Variants in TBL1X observed in about 807,000 individuals in gnomAD.
TBL1X encodes the protein transducin beta like 1 X-linked.
Under a neutral mutation model 50.7 loss-of-function variants are expected in TBL1X, and 10 were observed. The ratio of observed to expected loss-of-function variants is 0.20; its 90% CI spans 0.12 to 0.33. The LOEUF is 0.33. Ranked by LOEUF, TBL1X falls within the 10% of genes least tolerant of loss-of-function variation. The pLI, the probability that TBL1X is intolerant of heterozygous loss-of-function variation, is 1.00. For synonymous variants in TBL1X, 190 were observed against 214.7 expected, an observed-to-expected ratio of 0.88 and a Z score of 1.01; for missense variants, 340 against 504.4, an observed-to-expected ratio of 0.67 and a Z score of 3.12.
At chrX:9,465,852 C>T (rs1236042964) in intron 1 of TBL1X, among the ~76,000 whole-genome samples, 1 of 113,073 alleles carries the variant, frequency 8.8e-6, no homozygotes, top group Non-Finnish European at 1.9e-5. Flanking sequence ...CTCCGGGGAC[C>T]GGGGTGGAGG....
chrX:9,607,917 A>T (rs2082592013), intron 2 of TBL1X, among the ~76,000 whole-genome samples: 1 of 109,174 alleles, frequency 9.2e-6, no homozygotes, highest in African/African-American at 3.3e-5. Flanking sequence ...GGGCTTAAGC[A>T]ATCCTCCCAC....
chrX:9,513,819 C>T (rs190987058), intron 2 of TBL1X, among the ~76,000 whole-genome samples: 130 of 108,785 alleles, frequency 1.2e-3, no homozygotes, highest in African/African-American at 4.2e-3. Context: ...GGCATGGTGC[C>T]GGCATCTGCT....
chrX:9,541,541 C>A (rs991802902), intron 2 of TBL1X, among the ~76,000 whole-genome samples: 5 of 112,598 alleles, frequency 4.4e-5, no homozygotes, highest in Non-Finnish European at 9.4e-5. Context: ...AAACAGGGAA[C>A]ACAGCAACAT....
chrX:9,609,568 C>A (rs1289235688), intron 2 of TBL1X, among the ~76,000 whole-genome samples: 1 of 111,249 alleles, frequency 9.0e-6, no homozygotes, highest in East Asian at 2.8e-4. Flanking sequence ...TCATTTATAT[C>A]ACATGTGTTG....
At position 9,717,769 on chromosome X, in the gene TBL1X, C is replaced by G. The variant is rs780209589; in HGVS notation, c.*1523C>G. On this transcript the variant is annotated 3_prime_UTR_variant, in exon 18 of 18. Coordinates refer to ENST00000645353, the MANE Select transcript of TBL1X (RefSeq NM_005647.4). ...TAGAGGCGCCCGCATGTCACTTAGT[C>G]TAACGCTGACAGAAATGAATGCAGA... 4.4e-5 allele frequency: 5 copies of G among 112,407 alleles called. No individual in the cohort carries two copies. Among genetic ancestry groups the G allele is most frequent in the Non-Finnish European group, 7.5e-5 (4 of 53,328 alleles). The allele number at this position is 112,407 out of a possible 1,213,427, so 9.3% of individuals were successfully genotyped here.
intron 7 of TBL1X, among the ~76,000 whole-genome samples, chrX:9,688,534 CACATGATT>C (rs1270952541): frequency 1.8e-5 from 2 of 112,516 alleles, no homozygotes; most frequent in African/African-American, 6.5e-5. Context: ...TCTCATGTAA[CACATGATT>C]ATTGCCCGTG....
intron 13 of TBL1X, among the ~76,000 whole-genome samples, chrX:9,705,930 C>T (rs935727848): frequency 9.0e-6 from 1 of 110,912 alleles, no homozygotes; most frequent in African/African-American, 3.3e-5. Context: ...GCATCTGCTT[C>T]TGGGGAGGCT....
At chrX:9,625,419 C>CT (rs1356135217) in intron 2 of TBL1X, among the ~76,000 whole-genome samples, 19 of 112,008 alleles carry the variant, frequency 1.7e-4, no homozygotes, top group Non-Finnish European at 3.0e-4. Context: ...GGTTAAGTTA[C>CT]TGACTGGGGG....
At chrX:9,701,594 A>AAAG (rs1209507917) in intron 12 of TBL1X, among the ~76,000 whole-genome samples, 3 of 91,750 alleles carry the variant, frequency 3.3e-5, no homozygotes, top group African/African-American at 1.2e-4. Flanking sequence ...AAAAAAAAAA[A>AAAG]AAGAAGAAGA....
chrX:9,703,703 C>T (rs997187058), intron 12 of TBL1X, among the ~76,000 whole-genome samples: 28 of 112,228 alleles, frequency 2.5e-4, no homozygotes, highest in African/African-American at 4.5e-4. Flanking sequence ...CTCCCTGTCC[C>T]GGGCACTGCT....
At position 9,512,780 on chromosome X, in the gene TBL1X, TGAGCCACCGCACCCGGCCA is replaced by T. The variant is rs745524172; in HGVS notation, c.-131+10933_-131+10951del. On this transcript the variant is annotated intron_variant, in intron 2 of 17. Coordinates refer to ENST00000645353, the MANE Select transcript of TBL1X (RefSeq NM_005647.4). ...TCCCAAAGTGCTGGGATTACAGGCA[TGAGCCACCGCACCCGGCCA>T]GTGTAAGTCTTTTGAAACACAGACA... 2.9e-3 allele frequency among the ~76,000 whole-genome samples: 330 copies of T among 111,944 alleles called. 1 individual carries two copies. The highest frequency in any genetic ancestry group is 0.01 in the African/African-American group (318 of 30,817).
intron 1 of TBL1X, among the ~76,000 whole-genome samples, chrX:9,468,277 T>C (rs961747807): frequency 6.2e-5 from 7 of 112,001 alleles, no homozygotes; most frequent in Non-Finnish European, 1.3e-4. Context: ...GCTTGCTTAT[T>C]GGAACAGTAT....
chrX:9,530,722 T>C (rs1163936310), intron 2 of TBL1X, among the ~76,000 whole-genome samples: 1 of 112,569 alleles, frequency 8.9e-6, no homozygotes, highest in Non-Finnish European at 1.9e-5. Flanking sequence ...AAATGTTCAT[T>C]TATCTGTGTT....
chrX:9,550,853 G>A (rs964904871), intron 2 of TBL1X, among the ~76,000 whole-genome samples: 17 of 111,204 alleles, frequency 1.5e-4, no homozygotes, highest in Non-Finnish European at 2.1e-4. Context: ...ATTTGGCAGC[G>A]TCTGGAGACA....
At chrX:9,506,890 C>CCAAA (rs1375445382) in intron 2 of TBL1X, among the ~76,000 whole-genome samples, 2 of 111,828 alleles carry the variant, frequency 1.8e-5, no homozygotes, top group Non-Finnish European at 3.8e-5. Context: ...AGAAATTATT[C>CCAAA]CAAACATTTG....
chrX:9,465,812 G>T, intron 1 of TBL1X, among the ~76,000 whole-genome samples: 1 of 113,144 alleles, frequency 8.8e-6, no homozygotes. Flanking sequence ...CGATTCAGGG[G>T]CTTGCTGGGC....
intron 10 of TBL1X, 37 bp downstream of exon 10, chrX:9,693,249 A>G: frequency 8.3e-7 from 1 of 1,209,808 alleles, no homozygotes; most frequent in Non-Finnish European, 1.1e-6. Context: ...GTCGGGTAAG[A>G]GGAGCTGCCG....
intron 3 of TBL1X, among the ~76,000 whole-genome samples, chrX:9,642,166 T>C (rs1279484378): frequency 8.9e-6 from 1 of 111,780 alleles, no homozygotes; most frequent in Admixed American, 9.5e-5. Context: ...AACATAAGCT[T>C]CAATTTCATT....
chrX:9,539,023 G>T (rs894814342), intron 2 of TBL1X, among the ~76,000 whole-genome samples: 1 of 112,321 alleles, frequency 8.9e-6, no homozygotes, highest in Non-Finnish European at 1.9e-5. Flanking sequence ...GGTGAGTTAG[G>T]GTTACTCTGA....
Sources: gnomAD v4.1 joint callset for allele counts (sites outside exome capture counted in the v4.1 genomes callset) on GRCh38, gnomAD v4.1.1 for gene constraint, MANE v1.5 for transcripts, NCBI Gene and HGNC (gene_info 2026-07-23, HGNC 2026-07-21) for gene names.